Variants in CNTNAP2 observed in about 807,000 individuals in gnomAD.
CNTNAP2 encodes contactin associated protein 2, also known as contactin-associated protein-like 2.
CNTNAP2 carries 98 observed loss-of-function variants against 155.2 expected under a neutral mutation model. That is an observed-to-expected ratio of 0.63 (90% CI 0.54 to 0.75). The LOEUF (loss-of-function observed/expected upper bound fraction) is 0.75, where lower values mean the gene tolerates loss of function less well. Ranked by LOEUF, CNTNAP2 falls within the 30% of genes least tolerant of loss-of-function variation. CNTNAP2 has a pLI of 0.00. For synonymous variants in CNTNAP2, 651 were observed against 631.2 expected, an observed-to-expected ratio of 1.03 and a Z score of -0.47; for missense variants, 1,727 against 1,688.1, an observed-to-expected ratio of 1.02 and a Z score of -0.40.
rs76204479 is a variant in CNTNAP2 at position 147,770,765 on chromosome 7, G to A, written c.2098+131459G>A. ...GGATTGGAAAACTGAACATTTTAAT[G>A]ATGTTACTCTTCCAAAATTGATCTG... On this transcript the variant is annotated intron_variant, in intron 13 of 23. Transcript: ENST00000361727. Among the ~76,000 whole-genome samples, 1,158 of 152,220 alleles carry A rather than the reference G, an allele frequency of 7.6e-3. 8 individuals carry two copies. The highest frequency in any genetic ancestry group is 0.027 in the African/African-American group (1,112 of 41,558).
chr7:146,453,992 G>T (rs1291301365), intron 1 of CNTNAP2, among the ~76,000 whole-genome samples: 1 of 151,860 alleles, frequency 6.6e-6, no homozygotes, highest in Non-Finnish European at 1.5e-5. Flanking sequence ...CAAATTCGAT[G>T]AAAACTATCA....
chr7:146,762,565 C>G (rs1163581057), intron 1 of CNTNAP2, among the ~76,000 whole-genome samples: 2 of 152,154 alleles, frequency 1.3e-5, no homozygotes, highest in Non-Finnish European at 2.9e-5. Flanking sequence ...TGCCAGTACA[C>G]TCCAGCCTGA....
chr7:147,419,220 C>T (rs1797248096), intron 10 of CNTNAP2, among the ~76,000 whole-genome samples: 1 of 152,076 alleles, frequency 6.6e-6, no homozygotes, highest in Non-Finnish European at 1.5e-5. Context: ...CCTCTCTTCT[C>T]TCTATGCCCT....
chr7:147,951,243 G>A (rs1563145960), intron 14 of CNTNAP2, among the ~76,000 whole-genome samples: 1 of 152,168 alleles, frequency 6.6e-6, no homozygotes, highest in East Asian at 1.9e-4. Context: ...CATTTAAACA[G>A]GTTCCTAAAG....
At chr7:148,249,485 T>C (rs1334494986) in intron 20 of CNTNAP2, among the ~76,000 whole-genome samples, 1 of 152,218 alleles carries the variant, frequency 6.6e-6, no homozygotes, top group East Asian at 1.9e-4. Context: ...TCTTAAATTT[T>C]ATCTCTGTGC....
intron 22 of CNTNAP2, among the ~76,000 whole-genome samples, chr7:148,389,252 C>A (rs574261615): frequency 4.6e-5 from 7 of 152,226 alleles, no homozygotes; most frequent in Non-Finnish European, 1.0e-4. Flanking sequence ...GTGGGAGGGA[C>A]CTGGTGGGAG....
At chr7:147,828,644 C>T (rs1798498280) in intron 13 of CNTNAP2, among the ~76,000 whole-genome samples, 1 of 152,172 alleles carries the variant, frequency 6.6e-6, no homozygotes, top group African/African-American at 2.4e-5. Context: ...ATGCTCAGTG[C>T]TGTTGCTATT....
chr7:148,034,924 G>A (rs928571630), intron 15 of CNTNAP2, among the ~76,000 whole-genome samples: 3 of 152,178 alleles, frequency 2.0e-5, no homozygotes, highest in African/African-American at 7.2e-5. Context: ...ATTAGAAACT[G>A]GAGTAAAGGC....
chr7:147,218,795 A>G (rs1245961568), intron 8 of CNTNAP2, among the ~76,000 whole-genome samples: 1 of 152,134 alleles, frequency 6.6e-6, no homozygotes, highest in Non-Finnish European at 1.5e-5. Flanking sequence ...TCTGCCTGCC[A>G]TGGTCATCTA....
chr7:147,406,830 T>C lies in CNTNAP2; in HGVS notation c.1670+11050T>C, dbSNP rs76439368. ...ATTACGGTATCTGAAAAGGGTGTCTTAATCAGTAAACAGGTTGATTTAAAT... is the reference window on the plus strand; with the variant it reads ...ATTACGGTATCTGAAAAGGGTGTCTCAATCAGTAAACAGGTTGATTTAAAT... On this transcript the variant is annotated intron_variant, in intron 10 of 23. Coordinates refer to ENST00000361727, the MANE Select transcript of CNTNAP2 (RefSeq NM_014141.6). Among the ~76,000 whole-genome samples, 684 of 152,342 alleles carry C rather than the reference T, an allele frequency of 4.5e-3. 5 individuals are homozygous for C. The highest frequency in any genetic ancestry group is 0.015 in the African/African-American group (636 of 41,588).
At chr7:147,580,237 G>T (rs1800473471) in intron 12 of CNTNAP2, among the ~76,000 whole-genome samples, 1 of 152,060 alleles carries the variant, frequency 6.6e-6, no homozygotes, top group African/African-American at 2.4e-5. Context: ...AAGACAAGCT[G>T]TCCCAAGACA....
intron 1 of CNTNAP2, among the ~76,000 whole-genome samples, chr7:146,721,969 A>C (rs551024096): frequency 7.0e-6 from 1 of 143,392 alleles, no homozygotes; most frequent in South Asian, 2.2e-4. Context: ...GCTCACTGCA[A>C]CCTCCACCTC....
At chr7:148,080,380 C>T (rs979782478) in intron 15 of CNTNAP2, among the ~76,000 whole-genome samples, 35 of 151,944 alleles carry the variant, frequency 2.3e-4, no homozygotes, top group East Asian at 5.8e-4. Context: ...CTGAGGCAGG[C>T]GGATCACGAG....
chr7:148,392,241 T>G (rs931064465), intron 22 of CNTNAP2, among the ~76,000 whole-genome samples: 4 of 152,074 alleles, frequency 2.6e-5, no homozygotes, highest in Non-Finnish European at 5.9e-5. Context: ...ACCCAGCTAA[T>G]TTTTGTGTTT....
chr7:148,050,786 T>C (rs1802874298), intron 15 of CNTNAP2, among the ~76,000 whole-genome samples: 2 of 152,238 alleles, frequency 1.3e-5, no homozygotes, highest in Admixed American at 1.3e-4. Flanking sequence ...ACTCTGTATT[T>C]TTACTGTACT....
intron 8 of CNTNAP2, among the ~76,000 whole-genome samples, chr7:147,231,503 G>T (rs1248321044): frequency 1.3e-5 from 2 of 152,152 alleles, no homozygotes; most frequent in African/African-American, 4.8e-5. Context: ...TTTTGAGGAA[G>T]CTCCATGATA....
intron 1 of CNTNAP2, among the ~76,000 whole-genome samples, chr7:146,325,214 A>G (rs1482253131): frequency 6.6e-6 from 1 of 152,170 alleles, no homozygotes; most frequent in East Asian, 1.9e-4. Flanking sequence ...TACAGACAAT[A>G]TACTTCTAAT....
At chr7:147,086,395 CTCTT>C (rs1211510887) in intron 4 of CNTNAP2, among the ~76,000 whole-genome samples, 7 of 150,402 alleles carry the variant, frequency 4.7e-5, no homozygotes, top group East Asian at 1.9e-4. Flanking sequence ...AAATATGTTT[CTCTT>C]TCTTTTTCTT....
At chr7:147,788,126 G>C (rs192373275) in intron 13 of CNTNAP2, among the ~76,000 whole-genome samples, 22 of 152,260 alleles carry the variant, frequency 1.4e-4, no homozygotes, top group Admixed American at 1.4e-3. Flanking sequence ...ATTAACTCTT[G>C]TTATTTGTGC....
Sources: gnomAD v4.1 joint callset for allele counts (sites outside exome capture counted in the v4.1 genomes callset) on GRCh38, gnomAD v4.1.1 for gene constraint, MANE v1.5 for transcripts, NCBI Gene and HGNC (gene_info 2026-07-23, HGNC 2026-07-21) for gene names.